The following SYT14 variants were observed in gnomAD, a reference collection of about 807,000 sequenced individuals.
SYT14 encodes synaptotagmin-14.
SYT14 carries 32 observed loss-of-function variants against 74.2 expected under a neutral mutation model. The ratio of observed to expected loss-of-function variants is 0.43; its 90% CI spans 0.33 to 0.58. The LOEUF is 0.58. SYT14 is among the 20% of genes least tolerant of loss of function. SYT14 has a pLI of 0.05. For missense variants in SYT14, 791 were observed against 981.8 expected (o/e 0.81, Z 2.60); for synonymous variants, 298 against 337.7 (o/e 0.88, Z 1.29).
At chr1:210,030,921 T>TGTTTAGTTTA (rs1190327380) in intron 5 of SYT14, among the ~76,000 whole-genome samples, 3 of 66,926 alleles carry the variant, frequency 4.5e-5, no homozygotes, top group African/African-American at 1.2e-4. Context: ...TGTTTTGTTT[T>TGTTTAGTTTA]GTTTTGTTTT....
chr1:210,124,090 G>A (rs1269573956), intron 7 of SYT14, among the ~76,000 whole-genome samples: 1 of 152,144 alleles, frequency 6.6e-6, no homozygotes, highest in African/African-American at 2.4e-5. Context: ...ACCCAGCACT[G>A]CCTATTTGTT....
rs192837586 is a variant in SYT14 at position 210,096,250 on chromosome 1, T to G, written c.1584+1657T>G. The stretch of plus-strand genomic sequence containing the variant: ...TTAACAACTATATTATATTGCCTTT[T>G]TTGATCCAAAATGTTGTGTGTGAAA... On this transcript the variant is annotated intron_variant, in intron 6 of 9. Coordinates refer to ENST00000637265, the Ensembl canonical transcript of SYT14. Among the ~76,000 whole-genome samples the G allele has an allele frequency of 7.6e-4, 116 of 152,332 alleles. No individual in the cohort carries two copies. The Middle Eastern group carries it at 0.017, about 22-fold the overall frequency.
intron 2 of SYT14, among the ~76,000 whole-genome samples, chr1:210,000,950 A>T (rs928542606): frequency 6.6e-6 from 1 of 152,130 alleles, no homozygotes; most frequent in Admixed American, 6.5e-5. Context: ...TTAAAAACAC[A>T]TTATTTTAAG....
rs540930520 is a variant in SYT14 at position 210,078,854 on chromosome 1, C to T, written c.1313-15468C>T. 9.9e-5 allele frequency among the ~76,000 whole-genome samples: 15 copies of T among 151,472 alleles called. No individual in the cohort carries two copies. In the South Asian group the frequency reaches 2.7e-3, roughly 27 times the overall value. On this transcript the variant is annotated intron_variant, in intron 5 of 9. Coordinates refer to ENST00000637265, the Ensembl canonical transcript of SYT14. ...CTCGACTTCTCAGGCTCAAGTGATT[C>T]TCCCACCTCAGCTTCCCCAGTAACT...
chr1:210,084,861 CT>C (rs1490921087), intron 5 of SYT14, among the ~76,000 whole-genome samples: 57 of 152,196 alleles, frequency 3.7e-4, no homozygotes, highest in Admixed American at 2.0e-4. Context: ...TTCAAGCCGA[CT>C]AATTTTTGCA....
intron 7 of SYT14, among the ~76,000 whole-genome samples, chr1:210,139,270 T>TC (rs1328948186): frequency 4.5e-5 from 6 of 131,960 alleles, no homozygotes; most frequent in Non-Finnish European, 1.0e-4. Flanking sequence ...TTTTTCTTTT[T>TC]TTTTTTTTTT....
At chr1:210,095,583 A>G (rs2081954535) in intron 6 of SYT14, among the ~76,000 whole-genome samples, 1 of 152,156 alleles carries the variant, frequency 6.6e-6, no homozygotes, top group Admixed American at 6.6e-5. Flanking sequence ...GCAAGTTTTT[A>G]CTGTTTTTGT....
chr1:209,999,040 A>C (rs183285219), intron 2 of SYT14, among the ~76,000 whole-genome samples: 41 of 152,214 alleles, frequency 2.7e-4, no homozygotes, highest in African/African-American at 9.4e-4. Flanking sequence ...ATTAGCAGGA[A>C]CTTATTTGAC....
chr1:209,938,256 G>A (rs2078665393), exon 1 of SYT14: 5 of 1,559,572 alleles, frequency 3.2e-6, no homozygotes, highest in East Asian at 2.5e-5. Flanking sequence ...GGTCCATGGC[G>A]AGCGCATCAT....
chr1:209,959,947 T>C (rs756101702), intron 2 of SYT14, among the ~76,000 whole-genome samples: 39 of 152,212 alleles, frequency 2.6e-4, no homozygotes, highest in Non-Finnish European at 5.6e-4. Flanking sequence ...AGCGTCTGCT[T>C]ACATAGTGAG....
intron 5 of SYT14, among the ~76,000 whole-genome samples, chr1:210,050,325 C>T (rs1309217612): frequency 1.3e-5 from 2 of 152,182 alleles, no homozygotes; most frequent in African/African-American, 4.8e-5. Flanking sequence ...CAACAAGTTC[C>T]TCATCACTGG....
intron 2 of SYT14, among the ~76,000 whole-genome samples, chr1:210,000,499 C>CACAA (rs2079876796): frequency 4.0e-5 from 6 of 151,012 alleles, no homozygotes; most frequent in African/African-American, 1.5e-4. Flanking sequence ...CACACACACA[C>CACAA]AATCTAAGAA....
chr1:209,964,590 C>T (rs2102726425), intron 2 of SYT14, among the ~76,000 whole-genome samples: 1 of 152,268 alleles, frequency 6.6e-6, no homozygotes, highest in East Asian at 1.9e-4. Flanking sequence ...TCCTCTCCTA[C>T]AATTTATATT....
At chr1:210,044,340 G>T (rs1306790332) in intron 5 of SYT14, among the ~76,000 whole-genome samples, 1 of 152,128 alleles carries the variant, frequency 6.6e-6, no homozygotes, top group Non-Finnish European at 1.5e-5. Context: ...TAAATGTAAA[G>T]ACCCTTGTGT....
chr1:210,163,058 CTTAGGCA>C (rs555744359), exon 10 of SYT14: 220 of 453,596 alleles, frequency 4.9e-4, no homozygotes, highest in African/African-American at 4.3e-3. Context: ...AGAAATTGGA[CTTAGGCA>C]TTTGAAGCTA....
exon 10 of SYT14, chr1:210,165,771 T>C (rs887450424): frequency 1.3e-5 from 2 of 152,236 alleles, no homozygotes; most frequent in African/African-American, 4.8e-5. Flanking sequence ...TTGCTTATAG[T>C]AGGCAGACAG....
At chr1:210,062,902 A>G (rs1276717743) in intron 5 of SYT14, among the ~76,000 whole-genome samples, 1 of 151,298 alleles carries the variant, frequency 6.6e-6, no homozygotes, top group Non-Finnish European at 1.5e-5. Flanking sequence ...ATGTATATTT[A>G]TTTGTGCATG....
At chr1:210,025,227 A>C (rs1183144239) in intron 5 of SYT14, among the ~76,000 whole-genome samples, 2 of 152,192 alleles carry the variant, frequency 1.3e-5, no homozygotes, top group Non-Finnish European at 2.9e-5. Flanking sequence ...GCGTCTGCAG[A>C]AACTGCTGCT....
intron 2 of SYT14, among the ~76,000 whole-genome samples, chr1:209,998,926 C>T (rs2079844785): frequency 6.6e-6 from 1 of 151,894 alleles, no homozygotes; most frequent in Non-Finnish European, 1.5e-5. Flanking sequence ...GCTAAAACCC[C>T]CCAAAATAGA....
Sources: allele counts gnomAD v4.1 joint callset (sites outside exome capture counted in the v4.1 genomes callset), GRCh38; gene constraint gnomAD v4.1.1; transcripts MANE v1.5; gene names NCBI Gene and HGNC (gene_info 2026-07-23, HGNC 2026-07-21).